Variants in TNS2 observed in about 807,000 individuals in gnomAD.
The protein encoded by TNS2 is tensin 2, also known as tensin-2.
In TNS2, 77 loss-of-function variants were observed where a neutral mutation model predicts 155.7. The observed-to-expected ratio is 0.49, with a 90% CI of 0.41 to 0.60. TNS2 has a LOEUF of 0.60. Among genes scored for constraint, TNS2 ranks in the 20% least tolerant of loss-of-function variants. The probability of loss-of-function intolerance (pLI) is 0.00; values close to 1 mark genes in which losing one functional copy is unlikely to be tolerated. For synonymous variants in TNS2, 726 were observed against 763.9 expected (o/e 0.95, Z 0.82); for missense variants, 1,703 against 1,868.8 (o/e 0.91, Z 1.64).
chr12:53,052,498 T>C lies in TNS2; in HGVS notation c.222+6T>C. On this transcript the variant is annotated splice_donor_region_variant and intron_variant, in intron 3 of 28. Transcript: ENST00000314250. ...ACAGAAAATGTGAAGCAAAGGTGGG[T>C]ATCTGATTCTACCTGATAGGGGGAG... 6.2e-7 allele frequency: 1 copy of C among 1,613,838 alleles called. No homozygotes were observed. The highest frequency in any genetic ancestry group is 8.5e-7 in the Non-Finnish European group (1 of 1,179,858).
rs1016295930 is a variant in TNS2, at chr12:53,055,223, G to A, written c.560G>A (p.Arg187His). The A allele has an allele frequency of 6.2e-6, 10 of 1,613,672 alleles. No individual in the cohort carries two copies. The highest frequency in any genetic ancestry group is 3.3e-5 in the South Asian group (3 of 91,044). ...NLSEKRHDLT[R>H]LNPKVQDFGW... Reference sequence around the variant, plus strand: ...TCAGAGAAAAGGCATGACCTGACCCGCTTAAACCCCAAGGTATGAAGGAAA... The same window carrying A: ...TCAGAGAAAAGGCATGACCTGACCCACTTAAACCCCAAGGTATGAAGGAAA... The change falls in exon 8 of 29, where the codon CGC becomes CAC. Residue 187 changes from arginine (R) to histidine (H), a missense_variant. Arg to His is a conservative substitution (Grantham distance 29, BLOSUM62 0). Coordinates refer to ENST00000314250, the MANE Select transcript of TNS2 (RefSeq NM_170754.4).
At position 53,059,296 on chromosome 12, in the gene TNS2, G is replaced by T. The variant is rs767174226; in HGVS notation, c.1655G>T (p.Ser552Ile). 1.4e-6 allele frequency: 2 copies of T among 1,474,118 alleles called. No individual in the cohort carries two copies. The highest frequency in any genetic ancestry group is 1.5e-5 in the South Asian group (1 of 68,442). The allele number at this position is 1,474,118 out of a possible 1,614,324, so 91.3% of individuals were successfully genotyped here. Reference protein sequence around the residue: ...DRLLGGCGVASGGRGAGRETA... With the variant: ...DRLLGGCGVAIGGRGAGRETA... ...CTCCTAGGAGGCTGCGGAGTGGCCA[G>T]TGGGGGCCGGGGAGCTGGGCGCGAG... is the stretch of plus-strand genomic sequence containing the variant. The change falls in exon 18 of 29, where the codon AGT (serine) becomes ATT (isoleucine). Residue 552 changes from serine (S) to isoleucine (I), a missense_variant. By Grantham distance (142) the Ser-to-Ile change is moderately radical. Coordinates refer to ENST00000314250, the MANE Select transcript of TNS2 (RefSeq NM_170754.4). This position sits in a 1 kb window ranked among gnomAD's most constrained non-coding sequence, Gnocchi z 4.7.
rs78064750 is a variant in TNS2 at position 53,062,096 on chromosome 12, G to A, written c.3575-57G>A. 0.055 allele frequency: 88,994 copies of A among 1,612,174 alleles called. 2,889 individuals are homozygous for A. The highest frequency in any genetic ancestry group is 0.067 in the Non-Finnish European group (78,797 of 1,178,864). ...GCTGCTCGGGAAAGAATCCCATTAG[G>A]GAAGAAGCTGGAACCTGGAATCCTA... On this transcript the variant is annotated intron_variant, in intron 22 of 28. Coordinates refer to ENST00000314250, the MANE Select transcript of TNS2 (RefSeq NM_170754.4).
Position 53,064,329 on chromosome 12 carries a change from A to G in TNS2, c.*447A>G, listed in dbSNP as rs1018518617. 1 of 162,068 alleles carries G rather than the reference A, an allele frequency of 6.2e-6. No homozygotes were observed. The highest frequency in any genetic ancestry group is 6.2e-5 in the Admixed American group (1 of 16,250). 10.0% of individuals were successfully genotyped at this position (162,068 alleles called of 1,614,324 possible). Reference sequence around the variant, plus strand: ...GGATCACATGAATAGGGGAAAAAAGAGAGTCTATTTTTGTCTAATAATAAA... The same window carrying G: ...GGATCACATGAATAGGGGAAAAAAGGGAGTCTATTTTTGTCTAATAATAAA... On this transcript the variant is annotated 3_prime_UTR_variant, in exon 29 of 29. Transcript: ENST00000314250.
Position 53,057,778 on chromosome 12 carries a change from C to T in TNS2, c.964C>T (p.Gln322Ter). Residue 322 changes from glutamine to a stop codon, truncating the protein, a stop_gained, in exon 13 of 29, where the codon CAG (glutamine) becomes TAG (stop). Coordinates refer to ENST00000314250, the MANE Select transcript of TNS2 (RefSeq NM_170754.4). LOFTEE classifies it high-confidence loss of function. Reference sequence around the variant, plus strand: ...CTTCTCCTCTGCCCCTCCAGGCTTCCAGCCCTTCCTTAAAATCTACCAGTC... The same window carrying T: ...CTTCTCCTCTGCCCCTCCAGGCTTCTAGCCCTTCCTTAAAATCTACCAGTC... ...LPAFEPGTGF[Q>*]PFLKIYQSMQ... 6.2e-7 allele frequency: 1 copy of T among 1,614,124 alleles called. No homozygotes were observed. The highest frequency in any genetic ancestry group is 8.5e-7 in the Non-Finnish European group (1 of 1,180,020).
Position 53,064,083 on chromosome 12 carries a change from A to T in TNS2, c.*201A>T. On this transcript the variant is annotated 3_prime_UTR_variant, in exon 29 of 29. Transcript: ENST00000314250. ...GTTAAGTGGACAGGCCCACAAGATG[A>T]CCTTGCATGTGAGCAGATGGCAGAG... 1 of 608,476 alleles carries T rather than the reference A, an allele frequency of 1.6e-6. No individual in the cohort carries two copies. Among genetic ancestry groups the T allele is most frequent in the Non-Finnish European group, 2.8e-6 (1 of 352,904 alleles). 37.7% of individuals were successfully genotyped at this position (608,476 alleles called of 1,614,324 possible).
chr12:53,049,943 G>A (rs979832452), upstream of TNS2: 4 of 1,023,242 alleles, frequency 3.9e-6, no homozygotes, highest in Middle Eastern at 6.8e-4. Flanking sequence ...GGTAGATCCT[G>A]GGAATCTGAT....
At position 53,060,201 on chromosome 12, in the gene TNS2, G is replaced by A. The variant is rs1353058653; in HGVS notation, c.2560G>A (p.Gly854Arg). 4 of 1,581,128 alleles carry A rather than the reference G, an allele frequency of 2.5e-6. No homozygotes were observed. Among genetic ancestry groups the A allele is most frequent in the Non-Finnish European group, 3.4e-6 (4 of 1,163,052 alleles). ...LSYEIPTEEG[G>R]DRYPLPGHLA... ...CTACGAGATCCCTACGGAGGAGGGA[G>A]GGGACAGGTACCCATTGCCTGGGCA... Residue 854 changes from glycine (G) to arginine (R), a missense_variant, in exon 18 of 29, where the codon GGG becomes AGG. Physicochemically the swap from Gly to Arg is moderately radical, Grantham distance 125 (BLOSUM62 -2). Transcript: ENST00000314250. The surrounding 1 kb of genome is among the most constrained non-coding windows in gnomAD (Gnocchi z 6.1).
chr12:53,063,482 C>A lies in TNS2; in HGVS notation c.4061+65C>A. ...GTCCCACCAGGTCCCAGCTCCCAGCCCCAGCCCCAGCCCCGGCCCCGGCCC... is the reference window on the plus strand; with the variant it reads ...GTCCCACCAGGTCCCAGCTCCCAGCACCAGCCCCAGCCCCGGCCCCGGCCC... On this transcript the variant is annotated intron_variant, in intron 27 of 28. Coordinates refer to ENST00000314250, the MANE Select transcript of TNS2 (RefSeq NM_170754.4). This position sits in a 1 kb window ranked among gnomAD's most constrained non-coding sequence, Gnocchi z 5.6. 1 of 1,611,294 alleles carries A rather than the reference C, an allele frequency of 6.2e-7. No individual in the cohort carries two copies. Among genetic ancestry groups the A allele is most frequent in the South Asian group, 1.1e-5 (1 of 91,004 alleles).
chr12:53,059,964 G>C lies in TNS2; in HGVS notation c.2323G>C (p.Glu775Gln). 6.2e-7 allele frequency: 1 copy of C among 1,612,872 alleles called. No homozygotes were observed. Among genetic ancestry groups the C allele is most frequent in the Non-Finnish European group, 8.5e-7 (1 of 1,179,734 alleles). ...HEGCSYTMCPEGRYGHPGYPA... is the reference protein window; with the variant it reads ...HEGCSYTMCPQGRYGHPGYPA... ...GGGCTGCTCCTACACCATGTGCCCC[G>C]AAGGCAGGTATGGGCATCCAGGGTA... is the stretch of plus-strand genomic sequence containing the variant. The change falls in exon 18 of 29, where the codon GAA (glutamate) becomes CAA (glutamine). Residue 775 changes from glutamate (E) to glutamine (Q), a missense_variant. By Grantham distance (29) the Glu-to-Gln change is conservative. Transcript: ENST00000314250. This position sits in a 1 kb window ranked among gnomAD's most constrained non-coding sequence, Gnocchi z 4.7.
rs1275613418 is a variant in TNS2, at chr12:53,062,738, C to A, written c.3823+41C>A. ...CCACTCCCCTCCCTCTCCCTGGGCACCAAGGGGGCATTGTGGATACAGGGC... is the reference window on the plus strand; with the variant it reads ...CCACTCCCCTCCCTCTCCCTGGGCAACAAGGGGGCATTGTGGATACAGGGC... On this transcript the variant is annotated intron_variant, in intron 25 of 28. Transcript: ENST00000314250. 1.9e-6 allele frequency: 3 copies of A among 1,607,412 alleles called. No homozygotes were observed. In the South Asian group the frequency reaches 3.3e-5, roughly 18 times the overall value.
Position 53,063,913 on chromosome 12 carries a change from A to T in TNS2, c.*31A>T. 6.2e-7 allele frequency: 1 copy of T among 1,610,156 alleles called. No homozygotes were observed. The highest frequency in any genetic ancestry group is 2.2e-5 in the East Asian group (1 of 44,826). ...GGCCACAAGCTCAGAGCCCACATCA[A>T]CACTGCCCCCCTCCCAGCACCCCAC... On this transcript the variant is annotated 3_prime_UTR_variant, in exon 29 of 29. Coordinates refer to ENST00000314250, the MANE Select transcript of TNS2 (RefSeq NM_170754.4). The surrounding 1 kb of genome is among the most constrained non-coding windows in gnomAD (Gnocchi z 5.6).
intron 10 of TNS2, 181 bp from the exon 11 acceptor site, chr12:53,056,832 G>C: frequency 1.8e-6 from 1 of 551,616 alleles, no homozygotes; most frequent in Non-Finnish European, 3.2e-6. Flanking sequence ...GGGAACAATT[G>C]CCTGAGGCCC....
rs780368712 is a variant in TNS2, at chr12:53,061,482, C to G, written c.3448+13C>G. On this transcript the variant is annotated intron_variant, in intron 21 of 28. Coordinates refer to ENST00000314250, the MANE Select transcript of TNS2 (RefSeq NM_170754.4). ...TCCCGTGACCAAGGTGAGAAGCCAG[C>G]CTGCCCCCACCCCACTGCATCCCAC... 4 of 1,613,336 alleles carry G rather than the reference C, an allele frequency of 2.5e-6. No individual in the cohort carries two copies. Among genetic ancestry groups the G allele is most frequent in the East Asian group, 4.5e-5 (2 of 44,902 alleles).
At chr12:53,051,365 G>A (rs548514190) in intron 1 of TNS2, among the ~76,000 whole-genome samples, 2 of 152,266 alleles carry the variant, frequency 1.3e-5, no homozygotes, top group South Asian at 2.1e-4. Context: ...TGCCTGGAGC[G>A]TGGGGACAGC....
chr12:53,058,187 G>A (rs1944229099), intron 14 of TNS2, 85 bp downstream of exon 14: 1 of 1,608,930 alleles, frequency 6.2e-7, no homozygotes, highest in East Asian at 2.2e-5. Context: ...ATTTGAGACA[G>A]ATTGGAGAGC....
intron 1 of TNS2, among the ~76,000 whole-genome samples, chr12:53,051,353 G>A (rs1388204034): frequency 1.3e-5 from 2 of 152,204 alleles, no homozygotes; most frequent in Admixed American, 1.3e-4. Flanking sequence ...GGGCATGTCA[G>A]CTGCCTGGAG....
rs367629423 is a variant in TNS2 at position 53,054,264 on chromosome 12, C to A, written c.351-6C>A. On this transcript the variant is annotated splice_polypyrimidine_tract_variant and splice_region_variant and intron_variant, in intron 6 of 28. Transcript: ENST00000314250. The stretch of plus-strand genomic sequence containing the variant: ...CTGCGTTCATGCGTAGGCTCCTCCT[C>A]CCCAGGAGCTTCAGCCTGGACCCGC... The A allele has an allele frequency of 8.7e-6, 14 of 1,612,526 alleles. No individual in the cohort carries two copies. In the African/African-American group the frequency reaches 1.7e-4, roughly 20 times the overall value.
Position 53,063,097 on chromosome 12 carries a change from G to A in TNS2, c.3832G>A (p.Val1278Met), listed in dbSNP as rs201591159. 5.4e-5 allele frequency: 83 copies of A among 1,549,690 alleles called. No homozygotes were observed. The highest frequency in any genetic ancestry group is 2.0e-4 in the East Asian group (9 of 44,396). ...DLLRQGAACS[V>M]LYLTSVETES... ...ACTCCCTGCCCCTGTAGCCTGCAGC[G>A]TGCTCTACTTGACCTCAGTGGAGAC... Residue 1278 changes from valine to methionine, a missense_variant, in exon 26 of 29, where the codon GTG becomes ATG. Coordinates refer to ENST00000314250, the MANE Select transcript of TNS2 (RefSeq NM_170754.4). This position sits in a 1 kb window ranked among gnomAD's most constrained non-coding sequence, Gnocchi z 5.6.
Sources: gnomAD v4.1 joint callset for allele counts (sites outside exome capture counted in the v4.1 genomes callset) on GRCh38, gnomAD v4.1.1 for gene constraint, Gnocchi (gnomAD v3.1) non-coding constraint, MANE v1.5 for transcripts, NCBI Gene and HGNC (gene_info 2026-07-23, HGNC 2026-07-21) for gene names.